ACER3: variants seen among roughly 807,000 people sequenced by gnomAD.
ACER3 encodes the protein alkaline ceramidase 3, also known as alkCDase 3.
Under a neutral mutation model 48.9 loss-of-function variants are expected in ACER3, and 16 were observed. The observed-to-expected ratio is 0.33, with a 90% confidence interval of 0.22 to 0.50. The LOEUF (loss-of-function observed/expected upper bound fraction) is 0.50, where lower values mean the gene tolerates loss of function less well. Among genes scored for constraint, ACER3 ranks in the 20% least tolerant of loss-of-function variants. The probability of loss-of-function intolerance (pLI) is 0.98; values close to 1 mark genes in which losing one functional copy is unlikely to be tolerated. For synonymous variants in ACER3, 109 were observed against 107.8 expected, an observed-to-expected ratio of 1.01 and a Z score of -0.07; for missense variants, 227 against 326.0, an observed-to-expected ratio of 0.70 and a Z score of 2.34.
chr11:76,885,550 G>A (rs1310337713), intron 1 of ACER3, among the ~76,000 whole-genome samples: 1 of 152,130 alleles, frequency 6.6e-6, no homozygotes, highest in Non-Finnish European at 1.5e-5. Context: ...GGGGGCAGAG[G>A]AAGTGGGGAG....
At chr11:76,953,159 T>A (rs1947730318) in intron 2 of ACER3, among the ~76,000 whole-genome samples, 1 of 152,076 alleles carries the variant, frequency 6.6e-6, no homozygotes, top group African/African-American at 2.4e-5. Flanking sequence ...CAAGCTACAG[T>A]GGAAGAAATC....
At chr11:76,912,570 C>CTATT (rs5792748) in intron 1 of ACER3, among the ~76,000 whole-genome samples, 89,793 of 151,452 alleles carry the variant, frequency 0.59, 28,778 homozygotes, top group Non-Finnish European at 0.73. Flanking sequence ...ATTGTGATCT[C>CTATT]TATAGATTAA....
At chr11:76,963,070 G>A (rs1948038722) in intron 3 of ACER3, among the ~76,000 whole-genome samples, 1 of 151,346 alleles carries the variant, frequency 6.6e-6, no homozygotes, top group Non-Finnish European at 1.5e-5. Flanking sequence ...CACCTGCACA[G>A]ATAAGCCACA....
chr11:76,946,385 G>C (rs1198525428), intron 2 of ACER3, among the ~76,000 whole-genome samples: 1 of 152,202 alleles, frequency 6.6e-6, no homozygotes, highest in African/African-American at 2.4e-5. Flanking sequence ...TTTCACAGCA[G>C]TCTGTAGCAG....
chr11:76,917,219 A>C (rs1268743886), intron 1 of ACER3, among the ~76,000 whole-genome samples: 1 of 152,146 alleles, frequency 6.6e-6, no homozygotes, highest in African/African-American at 2.4e-5. Context: ...CCTAGACTGG[A>C]GGTCTTCCAG....
chr11:76,875,940 C>T lies in ACER3; in HGVS notation c.103+14861C>T, dbSNP rs537002438. Among the ~76,000 whole-genome samples, 10 of 151,598 alleles carry T rather than the reference C, an allele frequency of 6.6e-5. No individual in the cohort carries two copies. The East Asian group carries it at 7.8e-4, about 12-fold the overall frequency. On this transcript the variant is annotated intron_variant, in intron 1 of 10. Transcript: ENST00000532485. Reference sequence around the variant, plus strand: ...TAGTAGAGACAGGGGATTACAGGCACGTGCCACCACACCCAGTTAATTTTT... The same window carrying T: ...TAGTAGAGACAGGGGATTACAGGCATGTGCCACCACACCCAGTTAATTTTT...
At chr11:76,901,808 C>T (rs1946090070) in intron 1 of ACER3, among the ~76,000 whole-genome samples, 1 of 152,184 alleles carries the variant, frequency 6.6e-6, no homozygotes, top group Admixed American at 6.5e-5. Context: ...CTATAGATAA[C>T]ATAACCAATC....
chr11:76,963,859 C>G (rs931746032), intron 3 of ACER3, among the ~76,000 whole-genome samples: 2 of 151,458 alleles, frequency 1.3e-5, no homozygotes, highest in African/African-American at 2.5e-5. Context: ...CAAATAGGAA[C>G]AGCTCCAGTC....
At chr11:76,981,473 T>TATA (rs1948582008) in intron 4 of ACER3, among the ~76,000 whole-genome samples, 1 of 152,226 alleles carries the variant, frequency 6.6e-6, no homozygotes, top group Non-Finnish European at 1.5e-5. Context: ...ATTACCCTTA[T>TATA]GGCAAGAAAG....
At chr11:76,953,308 T>A (rs1347273139) in intron 2 of ACER3, among the ~76,000 whole-genome samples, 1 of 152,072 alleles carries the variant, frequency 6.6e-6, no homozygotes, top group Non-Finnish European at 1.5e-5. Flanking sequence ...CTCTTTAACT[T>A]CTATTTGTGG....
At chr11:76,896,802 A>G (rs1185022394) in intron 1 of ACER3, among the ~76,000 whole-genome samples, 2 of 152,046 alleles carry the variant, frequency 1.3e-5, no homozygotes, top group Non-Finnish European at 2.9e-5. Flanking sequence ...TTTTTTTTCT[A>G]TTGAAGTCAG....
chr11:76,985,412 C>A (rs1371949515), intron 4 of ACER3, among the ~76,000 whole-genome samples: 1 of 152,212 alleles, frequency 6.6e-6, no homozygotes, highest in Non-Finnish European at 1.5e-5. Flanking sequence ...CTCTCCCAAA[C>A]TCCAGACTCT....
chr11:77,014,045 A>T (rs570091474), intron 7 of ACER3, among the ~76,000 whole-genome samples: 1 of 152,196 alleles, frequency 6.6e-6, no homozygotes, highest in African/African-American at 2.4e-5. Context: ...GGATATCTTG[A>T]TTGTGGTGGT....
At chr11:76,972,703 G>A (rs1189429288) in intron 3 of ACER3, among the ~76,000 whole-genome samples, 2 of 152,156 alleles carry the variant, frequency 1.3e-5, no homozygotes, top group African/African-American at 4.8e-5. Flanking sequence ...CTCCAGTGAG[G>A]AGCCCCCAAC....
intron 1 of ACER3, among the ~76,000 whole-genome samples, chr11:76,883,296 C>A (rs1383813787): frequency 6.6e-6 from 1 of 151,952 alleles, no homozygotes; most frequent in Non-Finnish European, 1.5e-5. Flanking sequence ...TTTATATGGA[C>A]CTTTTTACTA....
intron 1 of ACER3, among the ~76,000 whole-genome samples, chr11:76,911,617 A>AG (rs1946380848): frequency 6.6e-6 from 1 of 152,122 alleles, no homozygotes; most frequent in African/African-American, 2.4e-5. Flanking sequence ...CCTGGTTCAA[A>AG]TGCCTCTGAC....
intron 1 of ACER3, among the ~76,000 whole-genome samples, chr11:76,896,608 C>T (rs1049238369): frequency 3.9e-5 from 6 of 152,238 alleles, no homozygotes; most frequent in African/African-American, 1.4e-4. Flanking sequence ...AAAGACGACC[C>T]CTCTACCCCC....
chr11:76,930,122 T>C (rs1946954292), intron 2 of ACER3, among the ~76,000 whole-genome samples: 1 of 151,580 alleles, frequency 6.6e-6, no homozygotes, highest in African/African-American at 2.4e-5. Flanking sequence ...GTTGGTAGGC[T>C]ATTATTGCGT....
chr11:76,931,302 GT>G (rs888221429), intron 2 of ACER3, among the ~76,000 whole-genome samples: 2 of 135,740 alleles, frequency 1.5e-5, no homozygotes, highest in African/African-American at 5.7e-5. Context: ...GCCTTTTTTT[GT>G]TTTCCATTTG....
Sources: gnomAD v4.1 joint callset for allele counts (sites outside exome capture counted in the v4.1 genomes callset) on GRCh38, gnomAD v4.1.1 for gene constraint, MANE v1.5 for transcripts, NCBI Gene and HGNC (gene_info 2026-07-23, HGNC 2026-07-21) for gene names.